The following ASRGL1 variants were observed in gnomAD, a reference collection of about 807,000 sequenced individuals.
The protein encoded by ASRGL1 is asparaginase and isoaspartyl peptidase 1, also known as isoaspartyl peptidase/L-asparaginase.
A neutral mutation model predicts 22.4 loss-of-function variants in ASRGL1; 16 were observed. The ratio of observed to expected loss-of-function variants is 0.71; its 90% CI spans 0.48 to 1.08. The LOEUF is 1.08. ASRGL1 is among the 50% of genes least tolerant of loss of function. ASRGL1 has a pLI of 0.00. For synonymous variants in ASRGL1, 165 were observed against 159.3 expected, an observed-to-expected ratio of 1.04 and a Z score of -0.27; for missense variants, 412 against 410.1, an observed-to-expected ratio of 1.00 and a Z score of -0.04.
rs1347775162 is a variant in ASRGL1 at position 62,362,669 on chromosome 11, AAT to A, written c.491+5532_491+5533del. 5.0e-4 allele frequency among the ~76,000 whole-genome samples: 15 copies of A among 30,302 alleles called. 2 individuals are homozygous for A. Among genetic ancestry groups the A allele is most frequent in the South Asian group, 3.3e-3 (6 of 1,800 alleles). 19.9% of individuals were successfully genotyped at this position (30,302 alleles called of 152,430 possible). A position where few individuals can be genotyped will look rare whatever the true frequency, so the allele number is the denominator to read the frequency against. On this transcript the variant is annotated intron_variant, in intron 4 of 6. Transcript: ENST00000415229. ...ATAATATATATTATATAAAATATAT[AAT>A]ATATATTATATAAAATATATATTAT...
chr11:62,375,034 C>G (rs1946876489), intron 4 of ASRGL1, among the ~76,000 whole-genome samples: 1 of 151,732 alleles, frequency 6.6e-6, no homozygotes, highest in South Asian at 2.1e-4. Flanking sequence ...CAGGAGCCGC[C>G]CTGGGCAGAG....
At chr11:62,362,550 AAC>A (rs1310839351) in intron 4 of ASRGL1, among the ~76,000 whole-genome samples, 7 of 15,332 alleles carry the variant, frequency 4.6e-4, no homozygotes, top group Non-Finnish European at 9.3e-4. Context: ...TAAAATATAT[AAC>A]ATATATTATT....
chr11:62,363,610 A>G (rs896039200), intron 4 of ASRGL1, among the ~76,000 whole-genome samples: 1 of 152,224 alleles, frequency 6.6e-6, no homozygotes, highest in Non-Finnish European at 1.5e-5. Context: ...CAAGTTAAAA[A>G]TTTTAATGCA....
chr11:62,365,789 CTGT>C (rs1420753547), intron 4 of ASRGL1, among the ~76,000 whole-genome samples: 3 of 152,054 alleles, frequency 2.0e-5, no homozygotes, highest in African/African-American at 7.2e-5. Flanking sequence ...GCAGAGGCTG[CTGT>C]GAGCTGAGAT....
intron 4 of ASRGL1, chr11:62,382,669 G>C (rs35499940): frequency 0.22 from 33,518 of 151,310 alleles, 4,435 homozygotes; most frequent in South Asian, 0.36. Context: ...GTGGGGTGTC[G>C]GGCTGGGGGA....
chr11:62,363,298 T>C (rs1946529693), intron 4 of ASRGL1, among the ~76,000 whole-genome samples: 1 of 151,978 alleles, frequency 6.6e-6, no homozygotes, highest in Non-Finnish European at 1.5e-5. Context: ...ACAACAAAAA[T>C]GATGTTCCAA....
intron 4 of ASRGL1, chr11:62,371,718 C>G (rs544159533): frequency 1.2e-4 from 69 of 572,224 alleles, no homozygotes; most frequent in African/African-American, 1.2e-3. Flanking sequence ...TTTGGGAGGC[C>G]GAGGCGGGCA....
intron 4 of ASRGL1, among the ~76,000 whole-genome samples, chr11:62,360,949 T>G (rs1177930207): frequency 6.6e-6 from 1 of 152,226 alleles, no homozygotes; most frequent in Non-Finnish European, 1.5e-5. Context: ...CTAATCATTC[T>G]TTTCATGACA....
chr11:62,356,531 C>T, intron 3 of ASRGL1, 64 bp downstream of exon 3: 2 of 1,542,754 alleles, frequency 1.3e-6, no homozygotes, highest in Non-Finnish European at 1.8e-6. Flanking sequence ...GTGATAAGGG[C>T]TCCAACTGTG....
downstream of ASRGL1, among the ~76,000 whole-genome samples, chr11:62,393,904 T>C (rs1430894867): frequency 1.3e-5 from 2 of 151,474 alleles, no homozygotes; most frequent in East Asian, 3.9e-4. Flanking sequence ...ATCTTCTCAC[T>C]GTGTCCTCAC....
chr11:62,342,528 G>T (rs1185882861), intron 2 of ASRGL1, among the ~76,000 whole-genome samples: 2 of 151,958 alleles, frequency 1.3e-5, no homozygotes, highest in Non-Finnish European at 2.9e-5. Context: ...AGGCCGAGGC[G>T]GGTGGATCAT....
chr11:62,386,867 G>A (rs116804515), intron 4 of ASRGL1, among the ~76,000 whole-genome samples: 203 of 151,836 alleles, frequency 1.3e-3, no homozygotes, highest in African/African-American at 4.4e-3. Context: ...CCATTCTACT[G>A]GAGGGCAGGT....
At chr11:62,362,463 TATATATTATATAAAATATATATA>T (rs1429735741) in intron 4 of ASRGL1, among the ~76,000 whole-genome samples, 3 of 120,528 alleles carry the variant, frequency 2.5e-5, no homozygotes, top group African/African-American at 6.3e-5. Flanking sequence ...CAAAAATATA[TATATATTATATAAAATATATATA>T]ATATATATTA....
chr11:62,373,037 G>T (rs1946816303), intron 4 of ASRGL1: 5 of 1,378,362 alleles, frequency 3.6e-6, no homozygotes, highest in Non-Finnish European at 3.1e-6. Context: ...CAGCCCAGGA[G>T]GTGAAGACTC....
intron 4 of ASRGL1, among the ~76,000 whole-genome samples, chr11:62,386,386 G>A (rs1206456634): frequency 1.4e-5 from 1 of 69,812 alleles, no homozygotes; most frequent in Non-Finnish European, 4.5e-5. Context: ...TGTTATAATT[G>A]TATTATTTTA....
intron 4 of ASRGL1, among the ~76,000 whole-genome samples, chr11:62,381,557 C>G (rs377397786): frequency 6.6e-6 from 1 of 152,140 alleles, no homozygotes; most frequent in Non-Finnish European, 1.5e-5. Flanking sequence ...TCATTCCATA[C>G]GGTAAGTGGG....
At chr11:62,340,226 C>T (rs1043493193) in intron 2 of ASRGL1, among the ~76,000 whole-genome samples, 5 of 152,138 alleles carry the variant, frequency 3.3e-5, no homozygotes, top group South Asian at 2.1e-4. Context: ...GCCAAGACTG[C>T]GCCACTGCAC....
chr11:62,370,799 A>G (rs1307909049), intron 4 of ASRGL1, among the ~76,000 whole-genome samples: 2 of 152,092 alleles, frequency 1.3e-5, no homozygotes, highest in African/African-American at 2.4e-5. Context: ...GTGTCTTTTG[A>G]TCCTTTGGGA....
In ASRGL1 at chr11:62,357,085, C is replaced by A. The variant is rs1001341003; in HGVS notation, c.432C>A (p.Asn144Lys). The A allele has an allele frequency of 1.2e-6, 2 of 1,613,966 alleles. No individual in the cohort carries two copies. Among genetic ancestry groups the A allele is most frequent in the Non-Finnish European group, 1.7e-6 (2 of 1,179,972 alleles). ...IPGEKLVTER[N>K]KKRLEKEKHE... ...GAGAAAAACTGGTGACAGAGAGAAA[C>A]AAAAAGCGCCTGGAAAAAGAGAAGC... is the stretch of plus-strand genomic sequence containing the variant. Residue 144 changes from asparagine to lysine, a missense_variant, in exon 4 of 7, where the codon AAC becomes AAA. By Grantham distance (94) the Asn-to-Lys change is moderately conservative. Coordinates refer to ENST00000415229, the MANE Select transcript of ASRGL1 (RefSeq NM_001083926.2).
Sources: allele counts gnomAD v4.1 joint callset (sites outside exome capture counted in the v4.1 genomes callset), GRCh38; gene constraint gnomAD v4.1.1; transcripts MANE v1.5; gene names NCBI Gene and HGNC (gene_info 2026-07-23, HGNC 2026-07-21).